The following ASRGL1 variants were observed in gnomAD, a reference collection of about 807,000 sequenced individuals.
The protein encoded by ASRGL1 is isoaspartyl peptidase/L-asparaginase.
ASRGL1 carries 16 observed loss-of-function variants against 22.4 expected under a neutral mutation model. The ratio of observed to expected loss-of-function variants is 0.71; its 90% CI spans 0.48 to 1.08. The LOEUF (loss-of-function observed/expected upper bound fraction) is 1.08, where lower values mean the gene tolerates loss of function less well. Ranked by LOEUF, ASRGL1 falls within the 50% of genes least tolerant of loss-of-function variation. The pLI, the probability that ASRGL1 is intolerant of heterozygous loss-of-function variation, is 0.00. For missense variants in ASRGL1, 412 were observed against 410.1 expected (o/e 1.00, Z -0.04); for synonymous variants, 165 against 159.3 (o/e 1.04, Z -0.27).
At chr11:62,349,202 C>T (rs1474007464) in intron 2 of ASRGL1, among the ~76,000 whole-genome samples, 1 of 152,144 alleles carries the variant, frequency 6.6e-6, no homozygotes, top group African/African-American at 2.4e-5. Context: ...CTCCTGACCT[C>T]GTGATCCTCT....
At chr11:62,400,767 T>A in the ASRGL1 span, among the ~76,000 whole-genome samples, 4 of 152,150 alleles carry the variant, frequency 2.6e-5, no homozygotes, top group African/African-American at 7.2e-5. Context: ...CGAGTTCAAC[T>A]CTGCTTGATC....
chr11:62,371,189 G>C, intron 4 of ASRGL1: 1 of 1,249,588 alleles, frequency 8.0e-7, no homozygotes, highest in Non-Finnish European at 1.0e-6. Context: ...TCGGGCAACG[G>C]CACTGCCCAC....
intron 2 of ASRGL1, among the ~76,000 whole-genome samples, chr11:62,348,564 G>GTGGT (rs1565154452): frequency 6.6e-6 from 1 of 152,004 alleles, no homozygotes; most frequent in African/African-American, 2.4e-5. Flanking sequence ...TTAGCTGGGC[G>GTGGT]TGGTGTCTCA....
chr11:62,395,418 T>A (rs3018621), downstream of ASRGL1, among the ~76,000 whole-genome samples: 120,024 of 151,894 alleles, frequency 0.79, 47,493 homozygotes, highest in South Asian at 0.84. Flanking sequence ...CAAGCAGGAG[T>A]TGCTGCAGTC....
intron 4 of ASRGL1, among the ~76,000 whole-genome samples, chr11:62,362,691 T>G (rs1393034030): frequency 1.1e-5 from 1 of 88,114 alleles, no homozygotes; most frequent in Non-Finnish European, 2.0e-5. Context: ...ATAAAATATA[T>G]ATTATATATT....
chr11:62,385,676 C>A (rs1733321124), intron 4 of ASRGL1, among the ~76,000 whole-genome samples: 1 of 151,430 alleles, frequency 6.6e-6, no homozygotes, highest in Admixed American at 6.6e-5. Flanking sequence ...ACCAGCCTGA[C>A]CAACATGGTG....
chr11:62,387,912 A>C (rs773072200), intron 4 of ASRGL1, among the ~76,000 whole-genome samples: 1 of 152,166 alleles, frequency 6.6e-6, no homozygotes, highest in African/African-American at 2.4e-5. Context: ...CAATTTGTTC[A>C]ACTGTGTTAC....
chr11:62,400,206 C>A, the ASRGL1 span, among the ~76,000 whole-genome samples: 1 of 152,222 alleles, frequency 6.6e-6, no homozygotes, highest in Admixed American at 6.5e-5. Flanking sequence ...TTTGCACACC[C>A]AATTCCCTCT....
At chr11:62,375,445 T>TATATATATATATATATATAC (rs1565169510) in intron 4 of ASRGL1, among the ~76,000 whole-genome samples, 12 of 57,840 alleles carry the variant, frequency 2.1e-4, no homozygotes, top group African/African-American at 1.2e-3. Context: ...TATATATATA[T>TATATATATATATATATATAC]ATATATATAT....
the ASRGL1 span, among the ~76,000 whole-genome samples, chr11:62,401,320 G>C: frequency 6.6e-6 from 1 of 152,196 alleles, no homozygotes; most frequent in Admixed American, 6.5e-5. Flanking sequence ...TTGGGGGCTG[G>C]GGGAGTGGCT....
At chr11:62,362,669 A>T (rs1282877785) in intron 4 of ASRGL1, among the ~76,000 whole-genome samples, 3 of 30,300 alleles carry the variant, frequency 9.9e-5, no homozygotes, top group African/African-American at 3.5e-4. Flanking sequence ...TAAAATATAT[A>T]ATATATATTA....
intron 4 of ASRGL1, chr11:62,383,298 G>C (rs762925297): frequency 6.6e-6 from 1 of 152,080 alleles, no homozygotes; most frequent in Non-Finnish European, 1.5e-5. Flanking sequence ...TAGAAGTCAC[G>C]TTAAGTATAA....
At chr11:62,341,750 A>G (rs548804674) in intron 2 of ASRGL1, among the ~76,000 whole-genome samples, 28 of 152,304 alleles carry the variant, frequency 1.8e-4, no homozygotes, top group Non-Finnish European at 4.0e-4. Context: ...CAGTTCCATG[A>G]CAGAGACATA....
chr11:62,338,706 C>A (rs1266281553), intron 2 of ASRGL1, among the ~76,000 whole-genome samples: 1 of 151,026 alleles, frequency 6.6e-6, no homozygotes, highest in African/African-American at 2.4e-5. Context: ...GAGGCCAAGG[C>A]GGGTGGATCA....
intron 4 of ASRGL1, among the ~76,000 whole-genome samples, chr11:62,385,236 T>C (rs1482263086): frequency 5.3e-5 from 8 of 152,350 alleles, no homozygotes; most frequent in Admixed American, 4.6e-4. Flanking sequence ...GTTTATGGGT[T>C]TTTCCTTTTT....
chr11:62,394,312 TATATG>T (rs1251071529), downstream of ASRGL1, among the ~76,000 whole-genome samples: 1 of 139,108 alleles, frequency 7.2e-6, no homozygotes. Flanking sequence ...TATATAAAAA[TATATG>T]ATATATAATT....
At chr11:62,353,164 C>T (rs1000729888) in intron 2 of ASRGL1, among the ~76,000 whole-genome samples, 1 of 151,988 alleles carries the variant, frequency 6.6e-6, no homozygotes, top group Non-Finnish European at 1.5e-5. Context: ...TTTCTTAGTC[C>T]AGTAATTCTT....
At chr11:62,372,143 G>T in intron 4 of ASRGL1, 2 of 865,160 alleles carry the variant, frequency 2.3e-6, no homozygotes, top group Non-Finnish European at 4.0e-6. Flanking sequence ...GGGTCGAAAT[G>T]AGAAGGCGCA....
chr11:62,366,621 T>A (rs1340962420), intron 4 of ASRGL1, among the ~76,000 whole-genome samples: 1 of 151,590 alleles, frequency 6.6e-6, no homozygotes, highest in Non-Finnish European at 1.5e-5. Flanking sequence ...ACTCATTTTT[T>A]CCTTTGAATT....
Sources: allele counts gnomAD v4.1 joint callset (sites outside exome capture counted in the v4.1 genomes callset), GRCh38; gene constraint gnomAD v4.1.1; transcripts MANE v1.5; gene names NCBI Gene and HGNC (gene_info 2026-07-23, HGNC 2026-07-21).